The following FSTL5 variants were observed in gnomAD, a reference collection of about 807,000 sequenced individuals.
The protein encoded by FSTL5 is follistatin like 5, also known as follistatin-related protein 5.
A neutral mutation model predicts 89.1 loss-of-function variants in FSTL5; 62 were observed. That is an observed-to-expected ratio of 0.70 (90% confidence interval 0.57 to 0.86). FSTL5 has a LOEUF of 0.86. Ranked by LOEUF, FSTL5 falls within the 40% of genes least tolerant of loss-of-function variation. The probability of loss-of-function intolerance (pLI) is 0.00; values close to 1 mark genes in which losing one functional copy is unlikely to be tolerated. For missense variants in FSTL5, 1,057 were observed against 1,001.6 expected, an observed-to-expected ratio of 1.06 and a Z score of -0.75; for synonymous variants, 383 against 346.2, an observed-to-expected ratio of 1.11 and a Z score of -1.18.
intron 3 of FSTL5, among the ~76,000 whole-genome samples, chr4:161,979,059 A>C (rs1188348738): frequency 6.6e-6 from 1 of 152,202 alleles, no homozygotes; most frequent in Non-Finnish European, 1.5e-5. Context: ...TATAAAGATT[A>C]GATCAAGCTA....
intron 1 of FSTL5, among the ~76,000 whole-genome samples, chr4:162,140,377 A>G (rs1732680531): frequency 7.1e-6 from 1 of 141,048 alleles, no homozygotes; most frequent in Non-Finnish European, 1.6e-5. Context: ...AGAGCCCATC[A>G]CTAATTTAGT....
rs1164543200 is a variant in FSTL5, at chr4:161,618,325, T to C, written c.895-30750A>G. 2.9e-5 allele frequency among the ~76,000 whole-genome samples: 4 copies of C among 136,372 alleles called. No individual in the cohort carries two copies. The East Asian group carries it at 8.2e-4, about 28-fold the overall frequency. The allele number at this position is 136,372 out of a possible 152,430, so 89.5% of individuals were successfully genotyped here. On this transcript the variant is annotated intron_variant, in intron 7 of 15. Transcript: ENST00000306100. Reference sequence around the variant, plus strand: ...TTGAATACCTTTTATTTCCTTCTCCTGCCTAATTGCCCTGGCCAGAACTTC... The same window carrying C: ...TTGAATACCTTTTATTTCCTTCTCCCGCCTAATTGCCCTGGCCAGAACTTC...
chr4:162,133,575 A>T (rs933448958), intron 1 of FSTL5, among the ~76,000 whole-genome samples: 1 of 152,112 alleles, frequency 6.6e-6, no homozygotes, highest in African/African-American at 2.4e-5. Context: ...AAATACTGGT[A>T]ACATTCAGAC....
At chr4:162,048,588 A>C (rs1023906073) in intron 2 of FSTL5, among the ~76,000 whole-genome samples, 30 of 92,324 alleles carry the variant, frequency 3.2e-4, no homozygotes, top group Admixed American at 6.6e-4. Flanking sequence ...ATTTAATACC[A>C]TTATACACAT....
chr4:161,417,579 GTTGA>G (rs1244348858), intron 15 of FSTL5, among the ~76,000 whole-genome samples: 1 of 152,198 alleles, frequency 6.6e-6, no homozygotes, highest in Admixed American at 6.5e-5. Flanking sequence ...GGAATTTACA[GTTGA>G]TTAAGAATTA....
chr4:161,906,326 A>C (rs1733526473), intron 4 of FSTL5, among the ~76,000 whole-genome samples: 1 of 152,150 alleles, frequency 6.6e-6, no homozygotes, highest in Admixed American at 6.6e-5. Flanking sequence ...CCAGAACAAC[A>C]AGATTCAGGG....
At chr4:161,987,928 C>G (rs1441624631) in intron 3 of FSTL5, among the ~76,000 whole-genome samples, 1 of 150,448 alleles carries the variant, frequency 6.6e-6, no homozygotes, top group Non-Finnish European at 1.5e-5. Context: ...CAACTTCTTT[C>G]TTTTACAGAC....
At chr4:161,850,218 T>C (rs185148355) in intron 4 of FSTL5, among the ~76,000 whole-genome samples, 1 of 152,262 alleles carries the variant, frequency 6.6e-6, no homozygotes, top group East Asian at 1.9e-4. Context: ...TTAGAGGGAT[T>C]TTATCCAGAA....
intron 2 of FSTL5, among the ~76,000 whole-genome samples, chr4:162,062,516 C>T (rs551250953): frequency 6.6e-6 from 1 of 151,846 alleles, no homozygotes; most frequent in East Asian, 1.9e-4. Flanking sequence ...ACTTATCTTC[C>T]CTCTTACATT....
chr4:161,667,777 T>A (rs1311849403), intron 6 of FSTL5, among the ~76,000 whole-genome samples: 2 of 152,088 alleles, frequency 1.3e-5, no homozygotes, highest in African/African-American at 4.8e-5. Context: ...TTATTAGCCA[T>A]CTTGTGATCA....
chr4:161,479,145 T>C (rs556833272), intron 13 of FSTL5, among the ~76,000 whole-genome samples: 1 of 152,098 alleles, frequency 6.6e-6, no homozygotes, highest in Non-Finnish European at 1.5e-5. Flanking sequence ...GTTTAGATAC[T>C]AAGTTGAAAA....
intron 3 of FSTL5, among the ~76,000 whole-genome samples, chr4:161,990,324 A>G (rs1383047696): frequency 6.6e-6 from 1 of 152,150 alleles, no homozygotes; most frequent in Non-Finnish European, 1.5e-5. Context: ...ACACCCTTGA[A>G]ACAAAAGCTA....
chr4:161,464,067 A>G (rs1172826601), intron 13 of FSTL5, among the ~76,000 whole-genome samples: 1 of 152,066 alleles, frequency 6.6e-6, no homozygotes, highest in African/African-American at 2.4e-5. Flanking sequence ...TTTGGAATAG[A>G]CAAATTGTGT....
At chr4:161,701,826 A>G (rs1366378946) in intron 6 of FSTL5, among the ~76,000 whole-genome samples, 2 of 152,158 alleles carry the variant, frequency 1.3e-5, no homozygotes, top group Non-Finnish European at 2.9e-5. Context: ...ACAAAAGGTC[A>G]TGAAACAGTT....
At chr4:161,950,380 G>A (rs1483299775) in intron 3 of FSTL5, among the ~76,000 whole-genome samples, 2 of 152,068 alleles carry the variant, frequency 1.3e-5, no homozygotes, top group East Asian at 1.9e-4. Context: ...CTGCTGTCCT[G>A]AGCAATTATG....
intron 3 of FSTL5, among the ~76,000 whole-genome samples, chr4:161,932,816 T>C (rs915114633): frequency 7.2e-5 from 11 of 151,998 alleles, no homozygotes; most frequent in African/African-American, 2.7e-4. Context: ...AAAGTAAAAG[T>C]TTCCCAGTTA....
intron 3 of FSTL5, among the ~76,000 whole-genome samples, chr4:161,987,485 T>TAC (rs1553989097): frequency 4.2e-4 from 60 of 143,592 alleles, no homozygotes; most frequent in East Asian, 7.9e-4. Context: ...TATATATATA[T>TAC]ACATACATAT....
At chr4:161,512,231 T>C (rs1008914543) in intron 10 of FSTL5, among the ~76,000 whole-genome samples, 4 of 152,104 alleles carry the variant, frequency 2.6e-5, no homozygotes, top group African/African-American at 9.7e-5. Flanking sequence ...TGTTTCCTTA[T>C]ATCTCCACCC....
chr4:161,551,412 T>C (rs1393974786), intron 8 of FSTL5, among the ~76,000 whole-genome samples: 1 of 151,314 alleles, frequency 6.6e-6, no homozygotes. Flanking sequence ...ATGTCCTTTG[T>C]CCACTTTTTG....
Sources: gnomAD v4.1 joint callset for allele counts (sites outside exome capture counted in the v4.1 genomes callset) on GRCh38, gnomAD v4.1.1 for gene constraint, MANE v1.5 for transcripts, NCBI Gene and HGNC (gene_info 2026-07-23, HGNC 2026-07-21) for gene names.